Variants in MID1 observed in about 807,000 individuals in gnomAD.
The protein encoded by MID1 is E3 ubiquitin-protein ligase Midline-1.
In MID1, 7 loss-of-function variants were observed where a neutral mutation model predicts 40.4. That is an observed-to-expected ratio of 0.17 (90% CI 0.10 to 0.33). MID1 has a LOEUF of 0.33. MID1 is among the 10% of genes least tolerant of loss of function. The probability of loss-of-function intolerance (pLI) is 1.00; values close to 1 mark genes in which losing one functional copy is unlikely to be tolerated. For synonymous variants in MID1, 229 were observed against 221.2 expected, an observed-to-expected ratio of 1.04 and a Z score of -0.31; for missense variants, 367 against 558.5, an observed-to-expected ratio of 0.66 and a Z score of 3.46.
intron 4 of MID1, among the ~76,000 whole-genome samples, chrX:10,487,734 T>C (rs1214928571): frequency 8.9e-6 from 1 of 111,772 alleles, no homozygotes; most frequent in Non-Finnish European, 1.9e-5. Flanking sequence ...GAATTTCATA[T>C]GAATCTACTC....
rs1934575204 is a variant in MID1, at chrX:10,566,957, C to T, written c.591G>A (p.Leu197=). 1 of 1,211,922 alleles carries T rather than the reference C, an allele frequency of 8.3e-7. No individual in the cohort carries two copies. The highest frequency in any genetic ancestry group is 1.7e-5 in the African/African-American group (1 of 57,801). ...CGCGGTGCCGCCCAACCAGTTTACA[C>T]AAGGCACAGATTAACTGGTCATCGG... The part of the protein sequence containing the change: ...CVTDDQLICA[L]CKLVGRHRDH... The change falls in exon 2 of 10, where the codon TTG becomes TTA. Residue 197 remains leucine (L), a synonymous_variant. Transcript: ENST00000317552.
intron 3 of MID1, chrX:10,501,667 C>T (rs1037772414): frequency 4.5e-5 from 29 of 641,505 alleles, no homozygotes; most frequent in Non-Finnish European, 9.2e-6. Context: ...GAGGGTCACT[C>T]GGCTTCATTA....
In MID1 at chrX:10,459,794, C is replaced by T. The variant is rs143673869; in HGVS notation, c.1299G>A (p.Ser433=). The change falls in exon 8 of 10, where the codon TCG becomes TCA. Residue 433 remains serine (S), a synonymous_variant. Transcript: ENST00000317552. ...TGGGTACTATCATCCAGCTATCAGC[C>T]GAATTACACAGACCTGCAAAGCCAA... is the stretch of plus-strand genomic sequence containing the variant. The part of the protein sequence containing the change: ...GQANVVSLCN[S]ADSWMIVPNI... The T allele has an allele frequency of 6.2e-4, 749 of 1,207,743 alleles. 3 individuals carry two copies. The African/African-American group carries it at 0.012, about 19-fold the overall frequency.
At chrX:10,827,886 A>G (rs902876498) in intron 1 of MID1, among the ~76,000 whole-genome samples, 1 of 111,215 alleles carries the variant, frequency 9.0e-6, no homozygotes, top group Non-Finnish European at 1.9e-5. Flanking sequence ...TATCTCACCT[A>G]TATCTTCCAT....
chrX:10,585,606 A>G (rs775043200), intron 1 of MID1, among the ~76,000 whole-genome samples: 55 of 111,375 alleles, frequency 4.9e-4, no homozygotes, highest in Admixed American at 9.5e-4. Flanking sequence ...ATCAATTTTT[A>G]GGGTTACACG....
intron 1 of MID1, among the ~76,000 whole-genome samples, chrX:10,714,393 C>T (rs749569128): frequency 9.0e-6 from 1 of 111,529 alleles, no homozygotes; most frequent in African/African-American, 3.3e-5. Context: ...ACCCTCAATC[C>T]CAAAGGGAGC....
intron 1 of MID1, among the ~76,000 whole-genome samples, chrX:10,738,804 T>A (rs1343754127): frequency 9.0e-6 from 1 of 110,594 alleles, no homozygotes; most frequent in Non-Finnish European, 1.9e-5. Context: ...CTGGCAGACA[T>A]AGTTTCAGGT....
chrX:10,782,477 C>T (rs759779971), intron 1 of MID1, among the ~76,000 whole-genome samples: 1 of 111,733 alleles, frequency 8.9e-6, no homozygotes, highest in Non-Finnish European at 1.9e-5. Flanking sequence ...TTACCAACAG[C>T]ATGAAGTGCA....
chrX:10,646,074 A>C (rs1936258320), intron 1 of MID1, among the ~76,000 whole-genome samples: 1 of 110,235 alleles, frequency 9.1e-6, no homozygotes, highest in Admixed American at 9.7e-5. Flanking sequence ...CCTCGCCACC[A>C]CTCCCCGAAC....
At position 10,774,080 on chromosome X, in the gene MID1, G is replaced by A. The variant is rs182166139; in HGVS notation, c.-187+59474C>T. 4.0e-3 allele frequency among the ~76,000 whole-genome samples: 449 copies of A among 111,422 alleles called. 5 individuals carry two copies. Among genetic ancestry groups the A allele is most frequent in the African/African-American group, 0.014 (427 of 30,706 alleles). On this transcript the variant is annotated intron_variant, in intron 1 of 10. Transcript: ENST00000380785. ...GGAACAGAAGTAACAAGAAAGAAGA[G>A]GTCTTAGAGGTGCCAATTTGAGGAG...
intron 1 of MID1, among the ~76,000 whole-genome samples, chrX:10,763,972 A>T (rs1202512706): frequency 9.0e-6 from 1 of 111,589 alleles, no homozygotes; most frequent in Non-Finnish European, 1.9e-5. Flanking sequence ...TTCTTTTGAG[A>T]AGTGTCTGTT....
intron 1 of MID1, among the ~76,000 whole-genome samples, chrX:10,585,510 T>C (rs974268427): frequency 8.9e-6 from 1 of 112,393 alleles, no homozygotes; most frequent in African/African-American, 3.2e-5. Context: ...CAGTTCATCA[T>C]AGAAGGTTTG....
At chrX:10,458,899 T>A (rs1928850302) in intron 8 of MID1, among the ~76,000 whole-genome samples, 1 of 111,845 alleles carries the variant, frequency 8.9e-6, no homozygotes, top group South Asian at 3.8e-4. Flanking sequence ...TGGGAGGTCT[T>A]ATGCAAATAA....
chrX:10,464,585 T>C (rs1482530506), intron 7 of MID1, among the ~76,000 whole-genome samples: 1 of 111,819 alleles, frequency 8.9e-6, no homozygotes, highest in Non-Finnish European at 1.9e-5. Context: ...TGTGTGTAAT[T>C]GGTCCTGCCT....
intron 1 of MID1, among the ~76,000 whole-genome samples, chrX:10,637,929 T>C (rs1936138945): frequency 8.9e-6 from 1 of 112,208 alleles, no homozygotes; most frequent in African/African-American, 3.2e-5. Flanking sequence ...CCTTTGCAAC[T>C]TTCTGTAAAT....
chrX:10,464,082 T>A (rs1228597953), intron 7 of MID1, among the ~76,000 whole-genome samples: 1 of 111,742 alleles, frequency 8.9e-6, no homozygotes, highest in Non-Finnish European at 1.9e-5. Flanking sequence ...TTTTCTTCCA[T>A]CCTGGGAGAA....
At chrX:10,511,934 T>C (rs1191859414) in intron 3 of MID1, among the ~76,000 whole-genome samples, 2 of 112,139 alleles carry the variant, frequency 1.8e-5, no homozygotes, top group Non-Finnish European at 3.8e-5. Flanking sequence ...GTTAAGTACT[T>C]GTGTGTGGAA....
rs1175535416 is a variant in MID1, at chrX:10,564,986, C to T, written c.660+1902G>A. 1.4e-4 allele frequency among the ~76,000 whole-genome samples: 11 copies of T among 77,345 alleles called. No homozygotes were observed. The Admixed American group carries it at 1.5e-3, about 11-fold the overall frequency. The allele number at this position is 77,345 out of a possible 115,157, so 67.2% of individuals were successfully genotyped here. On this transcript the variant is annotated intron_variant, in intron 2 of 9. Coordinates refer to ENST00000317552, the MANE Select transcript of MID1 (RefSeq NM_000381.4). ...AAATATTCTCCCTTCAGCTCCACCA[C>T]CAACCAAAAAAGGGGTAAAAAAAAA...
chrX:10,485,388 T>C (rs771339057), intron 4 of MID1, among the ~76,000 whole-genome samples: 2 of 112,445 alleles, frequency 1.8e-5, no homozygotes, highest in South Asian at 3.7e-4. Context: ...TTTTTAAAAG[T>C]TGACAAGGTG....
Sources: gnomAD v4.1 joint callset for allele counts (sites outside exome capture counted in the v4.1 genomes callset) on GRCh38, gnomAD v4.1.1 for gene constraint, MANE v1.5 for transcripts, NCBI Gene and HGNC (gene_info 2026-07-23, HGNC 2026-07-21) for gene names.